The following GET4 variants were observed in gnomAD, a reference collection of about 807,000 sequenced individuals.
GET4 encodes Golgi to ER traffic protein 4 homolog.
GET4 carries 20 observed loss-of-function variants against 40.0 expected under a neutral mutation model. The ratio of observed to expected loss-of-function variants is 0.50; its 90% CI spans 0.35 to 0.73. GET4 has a LOEUF of 0.73. GET4 is among the 30% of genes least tolerant of loss of function. GET4 has a pLI of 0.01. For missense variants in GET4, 557 were observed against 454.0 expected (o/e 1.23, Z -2.06); for synonymous variants, 280 against 194.6 (o/e 1.44, Z -3.65).
At chr7:891,399 G>A (rs1001479723) in intron 5 of GET4, among the ~76,000 whole-genome samples, 4 of 152,206 alleles carry the variant, frequency 2.6e-5, no homozygotes, top group African/African-American at 9.6e-5. Flanking sequence ...CTGGAAATGC[G>A]TGGAATTGTG....
Position 892,357 on chromosome 7 carries a change from G to T in GET4, c.685G>T (p.Gly229Trp). The T allele has an allele frequency of 6.3e-7, 1 of 1,595,144 alleles. No homozygotes were observed. The highest frequency in any genetic ancestry group is 8.6e-7 in the Non-Finnish European group (1 of 1,164,150). The change falls in exon 6 of 9, where the codon GGG (glycine) becomes TGG (tryptophan). Residue 229 changes from glycine to tryptophan, a missense_variant. Transcript: ENST00000265857. Reference protein sequence around the residue: ...YTQKHPSIEDGPPFVEPLLNF... With the variant: ...YTQKHPSIEDWPPFVEPLLNF... ...CCAGAAGCACCCGTCCATCGAGGAC[G>T]GGCCTCCGTTTGTGGAGCCGCTGCT... is the stretch of plus-strand genomic sequence containing the variant.
In GET4 at chr7:895,453, C is replaced by T. The variant is rs749611005; in HGVS notation, c.*31C>T. The T allele has an allele frequency of 7.5e-5, 89 of 1,188,840 alleles. 1 individual carries two copies. The Middle Eastern group carries it at 1.2e-3, about 15-fold the overall frequency. The allele number at this position is 1,188,840 out of a possible 1,614,324, so 73.6% of individuals were successfully genotyped here. A position where few individuals can be genotyped will look rare whatever the true frequency, so the allele number is the denominator to read the frequency against. ...CCAGGCCACGTGGAGACACCACGGT[C>T]GACGACGGCTGGAGGGACGTTTCAG... is the stretch of plus-strand genomic sequence containing the variant. On this transcript the variant is annotated 3_prime_UTR_variant, in exon 9 of 9. Transcript: ENST00000265857.
At position 892,282 on chromosome 7, in the gene GET4, C is replaced by G. The variant is rs1562897545; in HGVS notation, c.610C>G (p.Leu204Val). 1 of 1,587,010 alleles carries G rather than the reference C, an allele frequency of 6.3e-7. No individual in the cohort carries two copies. Among genetic ancestry groups the G allele is most frequent in the Non-Finnish European group, 8.6e-7 (1 of 1,157,184 alleles). Reference protein sequence around the residue: ...MFVAQAVLQFLCLKNKSSASV... With the variant: ...MFVAQAVLQFVCLKNKSSASV... ...CCAGCATGTTCTCATTTCCAGGTTT[C>G]TCTGTTTAAAAAACAAAAGTAGCGC... Residue 204 changes from leucine (L) to valine (V), a missense_variant, in exon 6 of 9, where the codon CTC becomes GTC. Physicochemically the swap from Leu to Val is conservative, Grantham distance 32. Transcript: ENST00000265857.
chr7:893,955 C>G lies in GET4; in HGVS notation c.879C>G (p.Ser293=). ...GCGTCCCGCCCAAGCAGACGTCTTC[C>G]TACGGGGGCCTGCTCGGTAAGCCGG... is the stretch of plus-strand genomic sequence containing the variant. ...FFGVPPKQTS[S]YGGLLGNLLT... is the part of the protein sequence containing the mutation. The change falls in exon 8 of 9, where the codon TCC becomes TCG. Residue 293 remains serine, a synonymous_variant. Transcript: ENST00000265857. The G allele has an allele frequency of 6.2e-7, 1 of 1,601,360 alleles. No individual in the cohort carries two copies. Among genetic ancestry groups the G allele is most frequent in the South Asian group, 1.1e-5 (1 of 89,844 alleles).
chr7:894,039 A>C (rs1844409981), intron 8 of GET4, 68 bp downstream of exon 8: 3 of 1,022,958 alleles, frequency 2.9e-6, no homozygotes, highest in Non-Finnish European at 4.3e-6. Flanking sequence ...ATCTCTGCCC[A>C]GGCAGGTCCA....
chr7:894,669 C>T lies in GET4; in HGVS notation c.896-665C>T, dbSNP rs147209300. Among the ~76,000 whole-genome samples the T allele has an allele frequency of 1.3e-3, 192 of 152,338 alleles. 1 individual carries two copies. The highest frequency in any genetic ancestry group is 4.3e-3 in the African/African-American group (180 of 41,568). On this transcript the variant is annotated intron_variant, in intron 8 of 8. Transcript: ENST00000265857. ...CAGTCGAAACCGCAGCCTGAGCTCC[C>T]GTTCCACAGAAGCGCCGTCAGGGCG...
chr7:876,904 T>G, intron 1 of GET4, 104 bp downstream of exon 1: 1 of 529,824 alleles, frequency 1.9e-6, no homozygotes, highest in Non-Finnish European at 2.5e-6. Context: ...CCGCTGCCCG[T>G]CGCGGGGGCG....
Position 886,577 on chromosome 7 carries a change from T to C in GET4, c.243T>C (p.Ser81=). The change falls in exon 3 of 9, where the codon AGT becomes AGC. Residue 81 remains serine (S), a synonymous_variant. Coordinates refer to ENST00000265857, the MANE Select transcript of GET4 (RefSeq NM_015949.3). ...LLFFSHGQQN[S]AADLSMLVLE... ...GTTGCTTTCTCTTGTAGCAAAACAG[T>C]GCAGCAGACTTGTCCATGCTGGTCC... is the stretch of plus-strand genomic sequence containing the variant. 1.2e-6 allele frequency: 2 copies of C among 1,611,564 alleles called. No homozygotes were observed. The highest frequency in any genetic ancestry group is 1.7e-6 in the Non-Finnish European group (2 of 1,178,154).
At position 887,314 on chromosome 7, in the gene GET4, G is replaced by A. The variant is rs1271329974; in HGVS notation, c.317-56G>A. ...AAATCCACTTCTGTGGGGAATGTGG[G>A]ACAGAGAGCCGGAGTGGCCGTGCGT... On this transcript the variant is annotated intron_variant, in intron 3 of 8. Transcript: ENST00000265857. The A allele has an allele frequency of 8.5e-6, 13 of 1,529,358 alleles. 1 individual carries two copies. The highest frequency in any genetic ancestry group is 3.4e-4 in the Middle Eastern group (2 of 5,820). The allele number at this position is 1,529,358 out of a possible 1,614,324, so 94.7% of individuals were successfully genotyped here. A position where few individuals can be genotyped will look rare whatever the true frequency, so the allele number is the denominator to read the frequency against.
intron 1 of GET4, chr7:882,966 A>C (rs1844117389): frequency 1.3e-5 from 2 of 152,250 alleles, no homozygotes; most frequent in South Asian, 4.1e-4. Context: ...CTCCTCCTGC[A>C]GTGTGTTTGC....
chr7:877,139 C>G (rs1189799932), intron 1 of GET4, among the ~76,000 whole-genome samples: 1 of 151,754 alleles, frequency 6.6e-6, no homozygotes, highest in African/African-American at 2.4e-5. Flanking sequence ...CCTCGGCCGC[C>G]TCCCGCCTCG....
At chr7:891,218 C>G (rs775324976) in intron 5 of GET4, 152 bp downstream of exon 5, 3 of 602,390 alleles carry the variant, frequency 5.0e-6, no homozygotes, top group Non-Finnish European at 5.8e-6. Context: ...TCAGCCTGAC[C>G]CATGATTTTT....
chr7:892,096 G>A (rs1316372174), intron 5 of GET4, among the ~76,000 whole-genome samples, 182 bp from the exon 6 acceptor site: 1 of 152,264 alleles, frequency 6.6e-6, no homozygotes. Context: ...TGAATTGCAG[G>A]CTTCCCTGGT....
At chr7:880,432 C>A (rs560743556) in intron 1 of GET4, 1 of 152,382 alleles carries the variant, frequency 6.6e-6, no homozygotes, top group African/African-American at 2.4e-5. Context: ...GCCACTTCTA[C>A]GGTGACGAGG....
Position 876,796 on chromosome 7 carries a change from T to C in GET4, c.151T>C (p.Phe51Leu). The C allele has an allele frequency of 1.6e-6, 2 of 1,225,418 alleles. No individual in the cohort carries two copies. Among genetic ancestry groups the C allele is most frequent in the Non-Finnish European group, 2.1e-6 (2 of 968,274 alleles). 75.9% of individuals were successfully genotyped at this position (1,225,418 alleles called of 1,614,324 possible). A position where few individuals can be genotyped will look rare whatever the true frequency, so the allele number is the denominator to read the frequency against. The change falls in exon 1 of 9, where the codon TTC (phenylalanine) becomes CTC (leucine). Residue 51 changes from phenylalanine (F) to leucine (L), a missense_variant. Phe to Leu is a conservative substitution (Grantham distance 22, BLOSUM62 0). Coordinates refer to ENST00000265857, the MANE Select transcript of GET4 (RefSeq NM_015949.3). Reference sequence around the variant, plus strand: ...GCACCAGATGTACCGGACCCTGTTCTTCAGGTACCCGCGCCCGGCCCTCGC... The same window carrying C: ...GCACCAGATGTACCGGACCCTGTTCCTCAGGTACCCGCGCCCGGCCCTCGC... Reference protein sequence around the residue: ...EAHQMYRTLFFRYMSQSKHTE... With the variant: ...EAHQMYRTLFLRYMSQSKHTE...
intron 8 of GET4, among the ~76,000 whole-genome samples, chr7:894,630 C>CTCTT (rs1385769606): frequency 6.6e-6 from 1 of 152,184 alleles, no homozygotes; most frequent in East Asian, 1.9e-4. Flanking sequence ...AGCGCCCTGA[C>CTCTT]TCTTCTGACT....
At chr7:885,357 T>C (rs1290366225) in intron 1 of GET4, 1 of 152,358 alleles carries the variant, frequency 6.6e-6, no homozygotes, top group African/African-American at 2.4e-5. Context: ...CTTACAGCAG[T>C]GCGGCCATCT....
chr7:894,425 C>T (rs1311375265), intron 8 of GET4, among the ~76,000 whole-genome samples: 6 of 152,266 alleles, frequency 3.9e-5, no homozygotes, highest in Middle Eastern at 3.4e-3. Context: ...CTCACTGAGC[C>T]GCCTGCCTTC....
In GET4 at chr7:890,965, C is replaced by T. The variant is rs752172504; in HGVS notation, c.504C>T (p.His168=). 1 of 1,608,920 alleles carries T rather than the reference C, an allele frequency of 6.2e-7. No homozygotes were observed. The highest frequency in any genetic ancestry group is 1.1e-5 in the South Asian group (1 of 90,982). The change falls in exon 5 of 9, where the codon CAC becomes CAT. Residue 168 remains histidine, a synonymous_variant. Transcript: ENST00000265857. ...GTGAGTCGAGGTATCATTTTCTGCA[C>T]TCAGCGGACGGGGAGGGCTGTGCCA... is the stretch of plus-strand genomic sequence containing the variant. ...NYCESRYHFL[H]SADGEGCANM...
Sources: allele counts gnomAD v4.1 joint callset (sites outside exome capture counted in the v4.1 genomes callset), GRCh38; gene constraint gnomAD v4.1.1; transcripts MANE v1.5; gene names NCBI Gene and HGNC (gene_info 2026-07-23, HGNC 2026-07-21).